Variants in DUSP15 observed in about 807,000 individuals in gnomAD.
DUSP15 encodes dual specificity protein phosphatase 15.
In DUSP15, 23 loss-of-function variants were observed where a neutral mutation model predicts 26.3. The observed-to-expected ratio is 0.87, with a 90% CI of 0.63 to 1.24. DUSP15 has a LOEUF of 1.24. DUSP15 is among the 50% of genes most tolerant of loss of function. The pLI is 0.00. For synonymous variants in DUSP15, 143 were observed against 135.5 expected (o/e 1.06, Z -0.39); for missense variants, 364 against 320.6 (o/e 1.14, Z -1.03).
intron 6 of DUSP15, 28 bp from the exon 7 acceptor site, chr20:31,861,703 G>C: frequency 1.2e-6 from 1 of 862,166 alleles, no homozygotes; most frequent in Non-Finnish European, 1.4e-6. Context: ...GGTGGGCGGG[G>C]TCAAGGCCGG....
At chr20:31,863,708 A>G in intron 5 of DUSP15, 199 bp downstream of exon 5, 1 of 572,264 alleles carries the variant, frequency 1.7e-6, no homozygotes, top group South Asian at 2.2e-5. Context: ...AGAAACAGCT[A>G]CTTGGCTATG....
intron 5 of DUSP15, chr20:31,863,558 A>C: frequency 4.3e-6 from 1 of 233,874 alleles, no homozygotes; most frequent in East Asian, 1.0e-4. Context: ...ATCACCTCCA[A>C]GGCCTGGAGG....
chr20:31,861,436 G>C lies in DUSP15; in HGVS notation c.675C>G (p.Leu225=), dbSNP rs2062647407. The change falls in exon 7 of 7, where the codon CTC becomes CTG. Residue 225 remains leucine, a synonymous_variant. Transcript: ENST00000339738. The stretch of plus-strand genomic sequence containing the variant: ...CGCCCTTGCGGGACAGACACCGGGG[G>C]AGGCAAGAGAAAGTCTGCTTGACGC... The part of the protein sequence containing the change: ...LARVKQTFSC[L]PRCLSRKGGK The C allele has an allele frequency of 1.3e-6, 2 of 1,561,244 alleles. No homozygotes were observed. Among genetic ancestry groups the C allele is most frequent in the Non-Finnish European group, 1.7e-6 (2 of 1,164,104 alleles).
At position 31,861,371 on chromosome 20, in the gene DUSP15, C is replaced by G. The variant is rs756760766; in HGVS notation, c.*32G>C. 6.7e-7 allele frequency: 1 copy of G among 1,501,770 alleles called. No homozygotes were observed. The highest frequency in any genetic ancestry group is 8.8e-7 in the Non-Finnish European group (1 of 1,133,774). 93.0% of individuals were successfully genotyped at this position (1,501,770 alleles called of 1,614,324 possible). On this transcript the variant is annotated 3_prime_UTR_variant, in exon 7 of 7. Coordinates refer to ENST00000339738, the MANE Select transcript of DUSP15 (RefSeq NM_080611.5). ...CAGACAGCCCCCGAAGGGAGCCAGTCGGAAGTGGGGAGCCACGGCTGGACT... is the reference window on the plus strand; with the variant it reads ...CAGACAGCCCCCGAAGGGAGCCAGTGGGAAGTGGGGAGCCACGGCTGGACT...
chr20:31,860,781 G>T (rs2062632384), downstream of DUSP15, among the ~76,000 whole-genome samples: 1 of 152,224 alleles, frequency 6.6e-6, no homozygotes, highest in South Asian at 2.1e-4. Context: ...TGGTGGAGGA[G>T]AGGGGTTCAA....
intron 8 of DUSP15, chr20:31,849,614 GGCCCTGGCACAGGCGCTT>G: frequency 6.8e-7 from 1 of 1,471,658 alleles, no homozygotes; most frequent in Non-Finnish European, 9.3e-7. Context: ...CGCCAGTACA[GGCCCTGGCACAGGCGCTT>G]GGTGAACACG....
downstream of DUSP15, among the ~76,000 whole-genome samples, chr20:31,858,420 G>C (rs2062597446): frequency 6.6e-6 from 1 of 152,182 alleles, no homozygotes; most frequent in Admixed American, 6.5e-5. The surrounding 1 kb of genome is among the most constrained non-coding windows in gnomAD (Gnocchi z 4.4). Flanking sequence ...GGGGACTACG[G>C]GCCACCTGGA....
intron 6 of DUSP15, among the ~76,000 whole-genome samples, chr20:31,853,959 T>C (rs936864061): frequency 6.6e-6 from 1 of 152,018 alleles, no homozygotes; most frequent in Non-Finnish European, 1.5e-5. Context: ...GAGGTAACAT[T>C]TGTGCTAAAA....
chr20:31,870,094 A>C lies in DUSP15; in HGVS notation c.21+223T>G. The C allele has an allele frequency of 2.4e-6, 3 of 1,255,048 alleles. No individual in the cohort carries two copies. Among genetic ancestry groups the C allele is most frequent in the Non-Finnish European group, 3.0e-6 (3 of 1,000,304 alleles). The allele number at this position is 1,255,048 out of a possible 1,614,324, so 77.7% of individuals were successfully genotyped here. ...CAGCCACAGCAAGACAGCGAGAGAC[A>C]CACAGAGTCACGGAGAGAGGGCGGA... On this transcript the variant is annotated intron_variant, in intron 1 of 6. Coordinates refer to ENST00000339738, the MANE Select transcript of DUSP15 (RefSeq NM_080611.5). The surrounding 1 kb of genome is among the most constrained non-coding windows in gnomAD (Gnocchi z 6.6).
chr20:31,856,484 A>G (rs186133439), downstream of DUSP15, among the ~76,000 whole-genome samples: 186 of 152,326 alleles, frequency 1.2e-3, 2 homozygotes, highest in South Asian at 0.026. Context: ...AGGTCACTGC[A>G]GTTGTCCTGT....
intron 9 of DUSP15, chr20:31,848,693 C>A: frequency 1.4e-6 from 2 of 1,466,818 alleles, no homozygotes; most frequent in East Asian, 2.5e-5. Context: ...CCTACAGACC[C>A]GAGGGTGCTA....
chr20:31,863,876 C>G (rs542039026), intron 5 of DUSP15, 31 bp downstream of exon 5: 1 of 1,604,280 alleles, frequency 6.2e-7, no homozygotes, highest in South Asian at 1.1e-5. Context: ...CTTCCTTCCT[C>G]CCCCACCTTA....
chr20:31,849,464 C>T, intron 8 of DUSP15: 2 of 650,798 alleles, frequency 3.1e-6, no homozygotes, highest in Non-Finnish European at 2.9e-6. Context: ...CTCCTCTGTT[C>T]ATGTTCCTTT....
At chr20:31,846,033 G>C (rs896842539), downstream of DUSP15, among the ~76,000 whole-genome samples, 10 of 151,884 alleles carry the variant, frequency 6.6e-5, no homozygotes, top group African/African-American at 2.4e-4. Context: ...GACACCCAGA[G>C]CCTCTCAGAC....
At position 31,867,103 on chromosome 20, in the gene DUSP15, AGAT is replaced by A. The variant is rs1407879262; in HGVS notation, c.103_105del (p.Ile35del). The A allele has an allele frequency of 1.3e-6, 2 of 1,591,416 alleles. No individual in the cohort carries two copies. The highest frequency in any genetic ancestry group is 1.1e-5 in the South Asian group (1 of 87,188). On this transcript the variant is annotated inframe_deletion, in exon 3 of 7. Transcript: ENST00000339738. ...AGAGGCTGGGGTGACTCATGGATAG[AGAT>A]GATGTGTGTGATCTTATTTCGGCCC...
At chr20:31,848,475 C>T (rs2062404135) in exon 10 of DUSP15, 6 of 1,611,918 alleles carry the variant, frequency 3.7e-6, no homozygotes, top group Non-Finnish European at 5.1e-6. Context: ...GTGATGCCAT[C>T]GGGGTTGCCA....
At chr20:31,848,387 C>G (rs2062401886) in exon 10 of DUSP15, 2 of 1,608,234 alleles carry the variant, frequency 1.2e-6, no homozygotes. Context: ...AGGGAGCCCC[C>G]CTGTTGGGGG....
At position 31,870,451 on chromosome 20, in the gene DUSP15, G is replaced by A. The variant is rs531291010; in HGVS notation, c.-114C>T. On this transcript the variant is annotated 5_prime_UTR_variant, in exon 1 of 7. Coordinates refer to ENST00000339738, the MANE Select transcript of DUSP15 (RefSeq NM_080611.5). The surrounding 1 kb of genome is among the most constrained non-coding windows in gnomAD (Gnocchi z 6.6). ...GCCTGCAGCCTGGCGGGGAACGGGGGGCCTGGCGTCCGCGGCCCTGCCCAG... is the reference window on the plus strand; with the variant it reads ...GCCTGCAGCCTGGCGGGGAACGGGGAGCCTGGCGTCCGCGGCCCTGCCCAG... 1,350 of 1,287,424 alleles carry A rather than the reference G, an allele frequency of 1.0e-3. 4 individuals are homozygous for A. In the South Asian group the frequency reaches 0.012, roughly 11 times the overall value. 79.8% of individuals were successfully genotyped at this position (1,287,424 alleles called of 1,614,324 possible).
At chr20:31,848,340 G>A in exon 10 of DUSP15, 5 of 1,524,262 alleles carry the variant, frequency 3.3e-6, no homozygotes, top group East Asian at 4.9e-5. Context: ...GAGGCCCCAA[G>A]TCTATGGGCT....
Sources: allele counts gnomAD v4.1 joint callset (sites outside exome capture counted in the v4.1 genomes callset), GRCh38; gene constraint gnomAD v4.1.1; non-coding constraint Gnocchi (gnomAD v3.1); transcripts MANE v1.5; gene names NCBI Gene and HGNC (gene_info 2026-07-23, HGNC 2026-07-21).